The following VPS50 variants were observed in gnomAD, a reference collection of about 807,000 sequenced individuals.
The protein encoded by VPS50 is VPS50 subunit of EARP/GARPII complex.
In VPS50, 70 loss-of-function variants were observed where a neutral mutation model predicts 139.7. The ratio of observed to expected loss-of-function variants is 0.50; its 90% CI spans 0.41 to 0.61. The LOEUF is 0.61. VPS50 is among the 20% of genes least tolerant of loss of function. VPS50 has a pLI of 0.00. For synonymous variants in VPS50, 365 were observed against 376.7 expected (o/e 0.97, Z 0.36); for missense variants, 921 against 1,133.7 (o/e 0.81, Z 2.69).
chr7:93,268,533 T>A (rs901765752), intron 9 of VPS50, among the ~76,000 whole-genome samples: 11 of 152,136 alleles, frequency 7.2e-5, no homozygotes, highest in African/African-American at 1.9e-4. Context: ...TGTGTCCATG[T>A]GTTCTCATTG....
At chr7:93,300,700 A>G (rs1462507241) in intron 16 of VPS50, among the ~76,000 whole-genome samples, 2 of 151,996 alleles carry the variant, frequency 1.3e-5, no homozygotes, top group African/African-American at 4.8e-5. Flanking sequence ...CTTTCTTTCT[A>G]ATTATGTTCT....
chr7:93,252,002 G>C (rs1354782825), intron 2 of VPS50, among the ~76,000 whole-genome samples: 1 of 152,176 alleles, frequency 6.6e-6, no homozygotes, highest in Non-Finnish European at 1.5e-5. Flanking sequence ...CTGTCATGCT[G>C]TTCTTCAAAT....
intron 9 of VPS50, among the ~76,000 whole-genome samples, chr7:93,263,802 G>T (rs1438898843): frequency 1.3e-5 from 2 of 152,050 alleles, no homozygotes; most frequent in Non-Finnish European, 2.9e-5. Flanking sequence ...CATGTGTTCT[G>T]TGTCTCTGGA....
chr7:93,339,624 A>C (rs577126611), intron 22 of VPS50, among the ~76,000 whole-genome samples: 25 of 152,154 alleles, frequency 1.6e-4, no homozygotes, highest in Non-Finnish European at 2.2e-4. Context: ...TAGTTTTGCT[A>C]TCTGCCTACT....
intron 20 of VPS50, among the ~76,000 whole-genome samples, chr7:93,318,828 TACAA>T (rs1172825792): frequency 1.3e-5 from 2 of 152,206 alleles, no homozygotes; most frequent in East Asian, 3.8e-4. Context: ...AATGACACTG[TACAA>T]ACAAACAACA....
At chr7:93,326,087 C>T (rs980624918) in intron 21 of VPS50, among the ~76,000 whole-genome samples, 1 of 151,862 alleles carries the variant, frequency 6.6e-6, no homozygotes, top group Non-Finnish European at 1.5e-5. Flanking sequence ...GAAAATGTGG[C>T]ACATATACAC....
Position 93,253,900 on chromosome 7 carries a change from A to C in VPS50, c.266A>C (p.Tyr89Ser), listed in dbSNP as rs1233160525. The C allele has an allele frequency of 6.2e-7, 1 of 1,602,054 alleles. No individual in the cohort carries two copies. The highest frequency in any genetic ancestry group is 2.2e-5 in the East Asian group (1 of 44,774). Residue 89 changes from tyrosine (Y) to serine (S), a missense_variant, in exon 4 of 28, where the codon TAT (tyrosine) becomes TCT (serine). By Grantham distance (144) the Tyr-to-Ser change is moderately radical (BLOSUM62 -2). Transcript: ENST00000305866. ...PVLNLQELEA[Y>S]RDKLKQQQAA... The stretch of plus-strand genomic sequence containing the variant: ...CTCAATTTGCAAGAATTAGAGGCGT[A>C]TAGAGACAAATTGAAACAACAGCAA...
chr7:93,243,806 A>G (rs1795067588), intron 2 of VPS50, among the ~76,000 whole-genome samples: 1 of 151,950 alleles, frequency 6.6e-6, no homozygotes. Context: ...CCCTGATTAA[A>G]AAGTAAAAAT....
chr7:93,294,546 AG>A lies in VPS50; in HGVS notation c.1080del (p.Ser361ValfsTer3). The A allele has an allele frequency of 6.6e-7, 1 of 1,523,976 alleles. No homozygotes were observed. The highest frequency in any genetic ancestry group is 8.8e-7 in the Non-Finnish European group (1 of 1,138,988). 94.4% of individuals were successfully genotyped at this position (1,523,976 alleles called of 1,614,324 possible). A position where few individuals can be genotyped will look rare whatever the true frequency, so the allele number is the denominator to read the frequency against. ...DNEDTASASE[G>X]SNMIGTEETN... ...ATATATATTGTCTTTTATTTTCAGAAGGGAGTAATATGATAGGTACTGAAGA... is the reference window on the plus strand; with the variant it reads ...ATATATATTGTCTTTTATTTTCAGAAGGAGTAATATGATAGGTACTGAAGA... On this transcript the variant is annotated frameshift_variant and splice_region_variant, in exon 14 of 28. Transcript: ENST00000305866. LOFTEE classifies it high-confidence loss of function.
intron 12 of VPS50, among the ~76,000 whole-genome samples, chr7:93,279,248 ATT>A (rs1215062007): frequency 1.3e-5 from 2 of 152,202 alleles, no homozygotes; most frequent in Admixed American, 6.5e-5. Flanking sequence ...ATTTTATAAT[ATT>A]GAGTCATATT....
intron 9 of VPS50, chr7:93,271,003 T>G: frequency 3.6e-6 from 2 of 560,656 alleles, no homozygotes; most frequent in Non-Finnish European, 5.1e-6. Context: ...GATTCTTTCT[T>G]TCTACTCACG....
At chr7:93,299,690 T>G (rs1013878300) in intron 16 of VPS50, among the ~76,000 whole-genome samples, 5 of 152,168 alleles carry the variant, frequency 3.3e-5, no homozygotes, top group Non-Finnish European at 7.4e-5. Context: ...GTATGAAAGT[T>G]TGCATTCCAC....
intron 9 of VPS50, among the ~76,000 whole-genome samples, chr7:93,262,091 A>G (rs946746558): frequency 6.6e-6 from 1 of 152,192 alleles, no homozygotes; most frequent in African/African-American, 2.4e-5. Flanking sequence ...GAAGCTGAAA[A>G]TAAAATAGCA....
chr7:93,306,081 A>G, intron 18 of VPS50, 77 bp downstream of exon 18: 1 of 1,029,342 alleles, frequency 9.7e-7, no homozygotes, highest in South Asian at 1.4e-5. Context: ...GCAATTCACT[A>G]CATTTACGTA....
intron 20 of VPS50, among the ~76,000 whole-genome samples, chr7:93,314,026 T>TTAGA (rs1279742374): frequency 1.3e-5 from 2 of 152,196 alleles, no homozygotes; most frequent in Non-Finnish European, 2.9e-5. Flanking sequence ...TCTTCAGTTT[T>TTAGA]TAGATATATA....
At chr7:93,306,917 A>G (rs1165707370) in intron 18 of VPS50, among the ~76,000 whole-genome samples, 3 of 151,822 alleles carry the variant, frequency 2.0e-5, no homozygotes, top group Admixed American at 1.3e-4. Context: ...AAATTGTTTC[A>G]TAGTAAGCCA....
chr7:93,240,683 A>T (rs1794963260), intron 2 of VPS50, among the ~76,000 whole-genome samples: 1 of 152,090 alleles, frequency 6.6e-6, no homozygotes, highest in African/African-American at 2.4e-5. Context: ...TTTGAGAGTG[A>T]TACGTGAAAA....
intron 20 of VPS50, among the ~76,000 whole-genome samples, chr7:93,311,572 G>C (rs1323894245): frequency 6.6e-6 from 1 of 152,100 alleles, no homozygotes; most frequent in African/African-American, 2.4e-5. Flanking sequence ...AGAGGTATGT[G>C]TAAGATAAGT....
intron 12 of VPS50, among the ~76,000 whole-genome samples, chr7:93,281,375 CTTTT>C (rs1796322047): frequency 6.6e-6 from 1 of 152,072 alleles, no homozygotes; most frequent in South Asian, 2.1e-4. Context: ...ACAGATTCTT[CTTTT>C]GAGTGAAAAC....
Sources: gnomAD v4.1 joint callset for allele counts (sites outside exome capture counted in the v4.1 genomes callset) on GRCh38, gnomAD v4.1.1 for gene constraint, MANE v1.5 for transcripts, NCBI Gene and HGNC (gene_info 2026-07-23, HGNC 2026-07-21) for gene names.